The following TMEM63C variants were observed in gnomAD, a reference collection of about 807,000 sequenced individuals.
TMEM63C encodes the protein transmembrane protein 63C, also known as osmosensitive cation channel TMEM63C.
TMEM63C carries 32 observed loss-of-function variants against 99.2 expected under a neutral mutation model. That is an observed-to-expected ratio of 0.32 (90% CI 0.24 to 0.43). TMEM63C has a LOEUF of 0.43. Ranked by LOEUF, TMEM63C falls within the 20% of genes least tolerant of loss-of-function variation. The probability of loss-of-function intolerance (pLI) is 1.00; values close to 1 mark genes in which losing one functional copy is unlikely to be tolerated. For synonymous variants in TMEM63C, 376 were observed against 397.9 expected, an observed-to-expected ratio of 0.94 and a Z score of 0.66; for missense variants, 826 against 1,053.0, an observed-to-expected ratio of 0.78 and a Z score of 2.98.
chr14:77,227,404 G>T (rs1316216885), intron 6 of TMEM63C, among the ~76,000 whole-genome samples: 1 of 152,156 alleles, frequency 6.6e-6, no homozygotes, highest in Non-Finnish European at 1.5e-5. Flanking sequence ...TCTGGGGAGG[G>T]TAGTAATGCC....
Position 77,248,513 on chromosome 14 carries a change from C to T in TMEM63C, c.1764+4C>T, listed in dbSNP as rs367971853. ...AGAGAGAGTCAACATCAGAAAGGTACAGACTGGCTCTCCGCTGAGCACAGC... is the reference window on the plus strand; with the variant it reads ...AGAGAGAGTCAACATCAGAAAGGTATAGACTGGCTCTCCGCTGAGCACAGC... On this transcript the variant is annotated splice_donor_region_variant and intron_variant, in intron 19 of 23. Transcript: ENST00000298351. 13 of 1,577,466 alleles carry T rather than the reference C, an allele frequency of 8.2e-6. No individual in the cohort carries two copies. Among genetic ancestry groups the T allele is most frequent in the Non-Finnish European group, 4.3e-6 (5 of 1,161,596 alleles).
intron 1 of TMEM63C, among the ~76,000 whole-genome samples, chr14:77,189,216 C>G (rs768446914): frequency 5.3e-5 from 8 of 151,474 alleles, no homozygotes; most frequent in Non-Finnish European, 7.4e-5. Flanking sequence ...CTCAAGCGAT[C>G]ATTCCACCTC....
At chr14:77,197,582 A>G (rs1019269561) in intron 1 of TMEM63C, among the ~76,000 whole-genome samples, 3 of 152,240 alleles carry the variant, frequency 2.0e-5, no homozygotes, top group Non-Finnish European at 4.4e-5. Flanking sequence ...TTGAAACAAC[A>G]TCTAGCACCC....
chr14:77,236,602 G>T, intron 8 of TMEM63C, 22 bp from the exon 9 acceptor site: 1 of 1,569,236 alleles, frequency 6.4e-7, no homozygotes, highest in Non-Finnish European at 8.8e-7. Flanking sequence ...TGACCTCACT[G>T]CTGCTGCCTC....
intron 1 of TMEM63C, among the ~76,000 whole-genome samples, chr14:77,201,382 G>A (rs1331785134): frequency 2.6e-5 from 4 of 152,218 alleles, no homozygotes; most frequent in Admixed American, 2.6e-4. Flanking sequence ...AATGACAGGT[G>A]GGAGAGACAG....
intron 5 of TMEM63C, among the ~76,000 whole-genome samples, chr14:77,225,218 G>A (rs1489658316): frequency 2.6e-5 from 4 of 152,168 alleles, no homozygotes; most frequent in Non-Finnish European, 2.9e-5. Flanking sequence ...TAACAGGAGG[G>A]CAGAGATGTC....
chr14:77,231,367 T>C (rs1011331955), intron 6 of TMEM63C, among the ~76,000 whole-genome samples: 2 of 152,102 alleles, frequency 1.3e-5, no homozygotes, highest in East Asian at 1.9e-4. Flanking sequence ...CTATCTTTGA[T>C]ATGTCTGTGA....
chr14:77,218,737 C>T (rs1888637067), intron 2 of TMEM63C, 64 bp from the exon 3 acceptor site: 1 of 1,554,412 alleles, frequency 6.4e-7, no homozygotes, highest in Non-Finnish European at 8.8e-7. Context: ...CCCCATCGGG[C>T]TTCTGTGTTT....
intron 3 of TMEM63C, 110 bp from the exon 4 acceptor site, chr14:77,219,388 C>T: frequency 9.4e-7 from 1 of 1,065,590 alleles, no homozygotes. Flanking sequence ...AGTGGAGGAG[C>T]TCCCTGGGGA....
chr14:77,223,144 G>A (rs1226246446), intron 5 of TMEM63C, among the ~76,000 whole-genome samples: 1 of 152,146 alleles, frequency 6.6e-6, no homozygotes, highest in Non-Finnish European at 1.5e-5. Flanking sequence ...TAGAAAAAAG[G>A]CAGCAACATC....
At chr14:77,228,391 A>C (rs1042446327) in intron 6 of TMEM63C, among the ~76,000 whole-genome samples, 1 of 117,332 alleles carries the variant, frequency 8.5e-6, no homozygotes, top group South Asian at 2.7e-4. Flanking sequence ...GTTCTCATCC[A>C]TTCCACTTCT....
intron 6 of TMEM63C, among the ~76,000 whole-genome samples, chr14:77,230,324 C>T (rs188020155): frequency 1.3e-5 from 2 of 152,258 alleles, no homozygotes; most frequent in East Asian, 3.9e-4. Context: ...AACCTTCATC[C>T]CCATCCCATT....
intron 6 of TMEM63C, among the ~76,000 whole-genome samples, chr14:77,231,029 A>G (rs1031447679): frequency 3.3e-5 from 5 of 152,224 alleles, no homozygotes; most frequent in African/African-American, 1.2e-4. Flanking sequence ...AGTAGATAAT[A>G]CCAACTGTTC....
intron 1 of TMEM63C, among the ~76,000 whole-genome samples, chr14:77,198,357 C>T (rs139745709): frequency 6.6e-6 from 1 of 152,218 alleles, no homozygotes; most frequent in Admixed American, 6.5e-5. Context: ...AGGAACAAGC[C>T]CTGGGCTGGG....
chr14:77,209,404 C>T (rs207802), intron 1 of TMEM63C, among the ~76,000 whole-genome samples: 70,569 of 152,000 alleles, frequency 0.46, 16,689 homozygotes, highest in East Asian at 0.68. Context: ...ACATTTTATT[C>T]TTTCCTACCC....
At chr14:77,218,753 A>G in intron 2 of TMEM63C, 48 bp from the exon 3 acceptor site, 1 of 1,589,454 alleles carries the variant, frequency 6.3e-7, no homozygotes, top group Non-Finnish European at 8.6e-7. Flanking sequence ...TGTTTTGCAA[A>G]ATGCAAGGGA....
At chr14:77,182,276 G>C (rs1887927264) in intron 1 of TMEM63C, among the ~76,000 whole-genome samples, 1 of 152,034 alleles carries the variant, frequency 6.6e-6, no homozygotes, top group East Asian at 1.9e-4. Context: ...GGGATTCCCC[G>C]GGGCTCTGCC....
At chr14:77,244,675 G>C (rs1889238452) in intron 16 of TMEM63C, among the ~76,000 whole-genome samples, 1 of 152,246 alleles carries the variant, frequency 6.6e-6, no homozygotes, top group African/African-American at 2.4e-5. Context: ...TGCTGAGATA[G>C]AGCCACTGTC....
At chr14:77,253,963 G>C (rs527275191) in intron 23 of TMEM63C, among the ~76,000 whole-genome samples, 16 of 152,336 alleles carry the variant, frequency 1.1e-4, no homozygotes, top group African/African-American at 3.8e-4. Flanking sequence ...TGCAGCTTCA[G>C]AGCCACCAAT....
Sources: allele counts gnomAD v4.1 joint callset (sites outside exome capture counted in the v4.1 genomes callset), GRCh38; gene constraint gnomAD v4.1.1; transcripts MANE v1.5; gene names NCBI Gene and HGNC (gene_info 2026-07-23, HGNC 2026-07-21).